SOS2: variants seen among roughly 807,000 people sequenced by gnomAD.
SOS2 encodes SOS Ras/Rho guanine nucleotide exchange factor 2, also known as son of sevenless homolog 2.
A neutral mutation model predicts 148.2 loss-of-function variants in SOS2; 65 were observed. The observed-to-expected ratio is 0.44, with a 90% CI of 0.36 to 0.54. The LOEUF (loss-of-function observed/expected upper bound fraction) is 0.54. Among genes scored for constraint, SOS2 ranks in the 20% least tolerant of loss-of-function variants. SOS2 has a pLI of 0.00. For missense variants in SOS2, 1,341 were observed against 1,590.2 expected (o/e 0.84, Z 2.67); for synonymous variants, 539 against 537.1 (o/e 1.00, Z -0.05).
At chr14:50,133,924 T>A (rs1242914349) in intron 19 of SOS2, among the ~76,000 whole-genome samples, 199 bp downstream of exon 19, 1 of 152,102 alleles carries the variant, frequency 6.6e-6, no homozygotes, top group African/African-American at 2.4e-5. Context: ...CATAAATAAG[T>A]AGTACCAAGA....
At chr14:50,182,763 G>A (rs1338671335) in intron 5 of SOS2, among the ~76,000 whole-genome samples, 157 bp from the exon 6 acceptor site, 3 of 152,178 alleles carry the variant, frequency 2.0e-5, no homozygotes, top group East Asian at 1.9e-4. Context: ...GTACGCTGCC[G>A]CTTCAGCAGA....
intron 8 of SOS2, among the ~76,000 whole-genome samples, chr14:50,174,122 C>A (rs1885450985): frequency 6.6e-6 from 1 of 152,074 alleles, no homozygotes; most frequent in African/African-American, 2.4e-5. Context: ...ACCCTCTTAG[C>A]CAATGTGACC....
chr14:50,185,125 C>T (rs1885865353), intron 5 of SOS2, among the ~76,000 whole-genome samples: 1 of 151,964 alleles, frequency 6.6e-6, no homozygotes, highest in African/African-American at 2.4e-5. Flanking sequence ...TTAATGGAAC[C>T]CAAGGAGGGG....
chr14:50,127,216 A>G (rs1387617408), intron 21 of SOS2, among the ~76,000 whole-genome samples: 1 of 145,360 alleles, frequency 6.9e-6, no homozygotes, highest in Admixed American at 7.2e-5. Flanking sequence ...ATCTTGGATC[A>G]CTGCAACCTC....
chr14:50,180,066 G>A (rs534621714), intron 7 of SOS2, among the ~76,000 whole-genome samples: 27 of 151,266 alleles, frequency 1.8e-4, no homozygotes, highest in Admixed American at 5.3e-4. Context: ...GTGCAGTGGC[G>A]CGATCTCGGC....
intron 1 of SOS2, among the ~76,000 whole-genome samples, chr14:50,224,304 A>AATAT (rs869147303): frequency 1.9e-4 from 12 of 62,690 alleles, no homozygotes; most frequent in African/African-American, 2.4e-4. Flanking sequence ...AAAAAAAAAA[A>AATAT]ATATATATAT....
At chr14:50,205,154 A>G (rs1595022040) in intron 1 of SOS2, among the ~76,000 whole-genome samples, 1 of 152,096 alleles carries the variant, frequency 6.6e-6, no homozygotes, top group East Asian at 1.9e-4. Flanking sequence ...GGGTCAAGCA[A>G]CCCTCCCACC....
In SOS2 at chr14:50,231,202, G is replaced by A; in HGVS notation, c.82C>T (p.Arg28Trp). The change falls in exon 1 of 23, where the codon CGG becomes TGG. Residue 28 changes from arginine (R) to tryptophan (W), a missense_variant. Arg to Trp is a moderately radical substitution (Grantham distance 101). This residue lies in a region of SOS2 where 574 missense variants were observed against 711.1 expected (regional missense o/e 0.81). Transcript: ENST00000216373. ...GCCCCGCCCCTAGCACTGACCTTCC[G>A]CAGGGCCGAGACCAACAGTCCCCGC... ...KWRGLLVSAL[R>W]KVQEQVHPTL... The A allele has an allele frequency of 6.8e-7, 1 of 1,474,686 alleles. No individual in the cohort carries two copies. The highest frequency in any genetic ancestry group is 2.6e-5 in the East Asian group (1 of 37,954). 91.4% of individuals were successfully genotyped at this position (1,474,686 alleles called of 1,614,324 possible).
At position 50,140,986 on chromosome 14, in the gene SOS2, TGAGGTCAGGGGATCAA is replaced by T. The variant is rs569769117; in HGVS notation, c.2668-943_2668-928del. 2.5e-3 allele frequency among the ~76,000 whole-genome samples: 386 copies of T among 151,464 alleles called. 1 individual carries two copies. The highest frequency in any genetic ancestry group is 4.4e-3 in the Non-Finnish European group (300 of 67,832). On this transcript the variant is annotated intron_variant, in intron 16 of 22. Transcript: ENST00000216373. Reference sequence around the variant, plus strand: ...TTGGGAGGCTGAGGCGGGCGGATCATGAGGTCAGGGGATCAAGACCATCCTGGCTAACACGGTGAAA... The same window carrying T: ...TTGGGAGGCTGAGGCGGGCGGATCATGACCATCCTGGCTAACACGGTGAAA...
intron 21 of SOS2, among the ~76,000 whole-genome samples, chr14:50,127,104 G>A (rs1405357521): frequency 1.4e-5 from 2 of 147,394 alleles, no homozygotes; most frequent in African/African-American, 2.5e-5. Context: ...AGTTAGAGAC[G>A]TTTCTTAGCT....
At chr14:50,214,836 T>C (rs907228354) in intron 1 of SOS2, among the ~76,000 whole-genome samples, 2 of 150,464 alleles carry the variant, frequency 1.3e-5, no homozygotes, top group Non-Finnish European at 3.0e-5. Flanking sequence ...GTTTCTTTCT[T>C]TCTTTTTTTT....
At chr14:50,208,670 A>C (rs1319869158) in intron 1 of SOS2, among the ~76,000 whole-genome samples, 1 of 152,196 alleles carries the variant, frequency 6.6e-6, no homozygotes, top group African/African-American at 2.4e-5. Context: ...AACAAAACAA[A>C]AAAAGCTACA....
intron 1 of SOS2, among the ~76,000 whole-genome samples, chr14:50,206,236 G>T: frequency 6.6e-6 from 1 of 151,912 alleles, no homozygotes; most frequent in East Asian, 1.9e-4. Flanking sequence ...TTTCTAATAT[G>T]TATGTTTTCT....
At chr14:50,142,515 T>C (rs1884329576) in intron 16 of SOS2, among the ~76,000 whole-genome samples, 1 of 152,196 alleles carries the variant, frequency 6.6e-6, no homozygotes, top group Non-Finnish European at 1.5e-5. Context: ...ACTTATCCAG[T>C]TCCACTTAGA....
chr14:50,172,480 C>T (rs530097396), intron 8 of SOS2, among the ~76,000 whole-genome samples: 2 of 131,780 alleles, frequency 1.5e-5, no homozygotes, highest in African/African-American at 5.8e-5. Flanking sequence ...CCTGCCTCAG[C>T]CTCCTGAGTA....
At position 50,204,311 on chromosome 14, in the gene SOS2, G is replaced by A; in HGVS notation, c.186C>T (p.Ala62=). ...CTACATCTTGAACAGTCCTTGGCTG[G>A]GCCATGCATAATTTATTAAGCAGCT... ...IFQLLNKLCM[A]QPRTVQDVEE... is the part of the protein sequence containing the mutation. Residue 62 remains alanine, a synonymous_variant, in exon 2 of 23, where the codon GCC becomes GCT. Transcript: ENST00000216373. 1 of 1,602,902 alleles carries A rather than the reference G, an allele frequency of 6.2e-7. No homozygotes were observed. Among genetic ancestry groups the A allele is most frequent in the Non-Finnish European group, 8.5e-7 (1 of 1,174,124 alleles).
intron 1 of SOS2, among the ~76,000 whole-genome samples, chr14:50,229,445 T>C (rs918164622): frequency 5.3e-5 from 8 of 149,534 alleles, no homozygotes; most frequent in Admixed American, 4.0e-4. Flanking sequence ...TGCAAAGTAA[T>C]AGCACCAAAG....
At chr14:50,137,711 G>A (rs151003207) in intron 18 of SOS2, among the ~76,000 whole-genome samples, 363 of 152,098 alleles carry the variant, frequency 2.4e-3, no homozygotes, top group African/African-American at 8.1e-3. Flanking sequence ...TATATTTGTA[G>A]GGTATAAGAG....
chr14:50,152,014 T>C (rs1420761287), intron 13 of SOS2, among the ~76,000 whole-genome samples: 2 of 152,122 alleles, frequency 1.3e-5, no homozygotes, highest in African/African-American at 4.8e-5. Context: ...GTGTGAGCCA[T>C]TGCACTGGCC....
Sources: allele counts gnomAD v4.1 joint callset (sites outside exome capture counted in the v4.1 genomes callset), GRCh38; gene constraint gnomAD v4.1.1; regional missense constraint gnomAD v4.1.1; transcripts MANE v1.5; gene names NCBI Gene and HGNC (gene_info 2026-07-23, HGNC 2026-07-21).